SHROOM3: variants seen among roughly 807,000 people sequenced by gnomAD.
SHROOM3 encodes shroom family member 3, also known as protein Shroom3.
SHROOM3 carries 47 observed loss-of-function variants against 138.6 expected under a neutral mutation model. That is an observed-to-expected ratio of 0.34 (90% CI 0.27 to 0.43). The LOEUF is 0.43. SHROOM3 is among the 20% of genes least tolerant of loss of function. The pLI is 1.00. For missense variants in SHROOM3, 2,491 were observed against 2,596.5 expected (o/e 0.96, Z 0.88); for synonymous variants, 1,062 against 1,063.3 (o/e 1.00, Z 0.02).
intron 6 of SHROOM3, among the ~76,000 whole-genome samples, chr4:76,750,678 G>A (rs1449641395): frequency 1.3e-5 from 2 of 151,942 alleles, no homozygotes; most frequent in African/African-American, 4.8e-5. Flanking sequence ...ACTTGGAAAG[G>A]AAAAAAATAA....
intron 1 of SHROOM3, among the ~76,000 whole-genome samples, chr4:76,446,316 A>C (rs1730802859): frequency 8.7e-6 from 1 of 114,468 alleles, no homozygotes; most frequent in Non-Finnish European, 1.9e-5. Context: ...CCATATCTTG[A>C]TAAACTGGTA....
intron 6 of SHROOM3, among the ~76,000 whole-genome samples, chr4:76,753,650 C>T (rs993819074): frequency 3.3e-5 from 5 of 152,184 alleles, no homozygotes; most frequent in African/African-American, 1.2e-4. Context: ...GGTTTTTCCT[C>T]GGAGTCTAGC....
intron 2 of SHROOM3, among the ~76,000 whole-genome samples, chr4:76,557,013 G>C (rs1350135934): frequency 6.6e-6 from 1 of 152,094 alleles, no homozygotes; most frequent in Non-Finnish European, 1.5e-5. Flanking sequence ...CATAGGCACC[G>C]GATTCAGACA....
intron 2 of SHROOM3, among the ~76,000 whole-genome samples, chr4:76,621,148 TA>T (rs200298082): frequency 5.1e-4 from 75 of 146,132 alleles, no homozygotes; most frequent in African/African-American, 1.4e-3. Flanking sequence ...TGCCAAGTAT[TA>T]AAAAAAAAAA....
At chr4:76,684,903 C>T (rs1719294611) in intron 2 of SHROOM3, among the ~76,000 whole-genome samples, 1 of 152,178 alleles carries the variant, frequency 6.6e-6, no homozygotes, top group Non-Finnish European at 1.5e-5. Flanking sequence ...TTGGCATGGC[C>T]TTAAATGCAT....
intron 2 of SHROOM3, chr4:76,637,401 A>G (rs1390496452): frequency 1.3e-5 from 2 of 152,228 alleles, no homozygotes; most frequent in Non-Finnish European, 1.5e-5. Context: ...AATATGATCA[A>G]GAACGGAACT....
At chr4:76,770,348 AAAAC>A (rs1722316672) in intron 9 of SHROOM3, among the ~76,000 whole-genome samples, 1 of 134,030 alleles carries the variant, frequency 7.5e-6, no homozygotes, top group Non-Finnish European at 1.7e-5. Flanking sequence ...AAAAAAAAAA[AAAAC>A]AGAAGACAAA....
chr4:76,657,799 A>G (rs1017769809), intron 2 of SHROOM3, among the ~76,000 whole-genome samples: 2 of 152,224 alleles, frequency 1.3e-5, no homozygotes, highest in Admixed American at 6.5e-5. Flanking sequence ...CCCAAGTAAG[A>G]CAAGCTAGTG....
chr4:76,565,179 A>G (rs951481939), intron 2 of SHROOM3, among the ~76,000 whole-genome samples: 3 of 150,956 alleles, frequency 2.0e-5, no homozygotes, highest in African/African-American at 7.3e-5. Context: ...AAAAAAAAAA[A>G]AAAGAATGGC....
chr4:76,762,708 G>A (rs963678151), intron 9 of SHROOM3, among the ~76,000 whole-genome samples: 1 of 152,308 alleles, frequency 6.6e-6, no homozygotes, highest in South Asian at 2.1e-4. Flanking sequence ...CTCTGTTTCA[G>A]ACACTGTGCT....
Position 76,715,839 on chromosome 4 carries a change from C to T in SHROOM3, c.455+5552C>T, listed in dbSNP as rs149415104. On this transcript the variant is annotated intron_variant, in intron 3 of 10. Coordinates refer to ENST00000296043, the MANE Select transcript of SHROOM3 (RefSeq NM_020859.4). ...CATGACAGTACATCTTAGGAAGATG[C>T]GGTGAGATGTTGTTATAGAACCACT... Among the ~76,000 whole-genome samples the T allele has an allele frequency of 3.2e-3, 486 of 152,228 alleles. 2 individuals are homozygous for T. Among genetic ancestry groups the T allele is most frequent in the African/African-American group, 9.8e-3 (408 of 41,540 alleles).
At chr4:76,454,441 G>A (rs533020106) in intron 1 of SHROOM3, among the ~76,000 whole-genome samples, 1 of 152,218 alleles carries the variant, frequency 6.6e-6, no homozygotes, top group East Asian at 1.9e-4. Flanking sequence ...AATGATCTTG[G>A]CACTCTTGTA....
At chr4:76,494,159 ATT>A (rs5859517) in intron 1 of SHROOM3, among the ~76,000 whole-genome samples, 4 of 144,064 alleles carry the variant, frequency 2.8e-5, no homozygotes, top group Admixed American at 6.9e-5. Context: ...CCCCAGATTG[ATT>A]TTTTTTTTTT....
intron 1 of SHROOM3, among the ~76,000 whole-genome samples, chr4:76,530,538 T>A (rs1194932191): frequency 6.6e-6 from 1 of 152,168 alleles, no homozygotes; most frequent in Non-Finnish European, 1.5e-5. Flanking sequence ...AACTCTTATG[T>A]GTATTGGTCT....
At chr4:76,474,257 A>G (rs917345038) in intron 1 of SHROOM3, among the ~76,000 whole-genome samples, 2 of 152,196 alleles carry the variant, frequency 1.3e-5, no homozygotes, top group Admixed American at 6.5e-5. Flanking sequence ...CAGAGAGAGT[A>G]TTAGTGGTTG....
intron 2 of SHROOM3, among the ~76,000 whole-genome samples, chr4:76,583,825 G>T (rs969197484): frequency 3.9e-5 from 6 of 152,090 alleles, no homozygotes; most frequent in South Asian, 4.1e-4. Flanking sequence ...TCAACTGTAG[G>T]TTGGAACCAC....
intron 10 of SHROOM3, among the ~76,000 whole-genome samples, chr4:76,776,213 T>C (rs999146742): frequency 1.3e-5 from 2 of 152,188 alleles, no homozygotes; most frequent in African/African-American, 2.4e-5. Context: ...ATTTCCCTGA[T>C]AGAACTGTTC....
intron 1 of SHROOM3, among the ~76,000 whole-genome samples, chr4:76,501,360 C>A (rs565880787): frequency 1.3e-5 from 2 of 152,254 alleles, no homozygotes; most frequent in East Asian, 3.9e-4. Flanking sequence ...ATATTGCTCT[C>A]GGCCCACAGT....
intron 2 of SHROOM3, among the ~76,000 whole-genome samples, chr4:76,673,703 CAT>C (rs1407906612): frequency 1.3e-5 from 2 of 152,104 alleles, no homozygotes; most frequent in Non-Finnish European, 2.9e-5. Context: ...AAATACATAA[CAT>C]AAAATTTACC....
Sources: gnomAD v4.1 joint callset for allele counts (sites outside exome capture counted in the v4.1 genomes callset) on GRCh38, gnomAD v4.1.1 for gene constraint, MANE v1.5 for transcripts, NCBI Gene and HGNC (gene_info 2026-07-23, HGNC 2026-07-21) for gene names.